Variants in MTHFS observed in about 807,000 individuals in gnomAD.
MTHFS encodes methenyltetrahydrofolate synthetase, also known as 5-formyltetrahydrofolate cyclo-ligase.
MTHFS carries 7 observed loss-of-function variants against 12.7 expected under a neutral mutation model. The ratio of observed to expected loss-of-function variants is 0.55; its 90% CI spans 0.31 to 1.03. The LOEUF is 1.03. Among genes scored for constraint, MTHFS ranks in the 50% least tolerant of loss-of-function variants. The pLI is 0.05. For missense variants in MTHFS, 252 were observed against 258.1 expected (o/e 0.98, Z 0.16); for synonymous variants, 100 against 97.1 (o/e 1.03, Z -0.18).
At chr15:79,892,488 A>T (rs1410812896) in intron 1 of MTHFS, among the ~76,000 whole-genome samples, 4 of 152,270 alleles carry the variant, frequency 2.6e-5, no homozygotes, top group African/African-American at 9.6e-5. Flanking sequence ...CCAAATGGGA[A>T]CAAAGTAAAA....
At chr15:79,874,157 A>C (rs536108828) in intron 2 of MTHFS, among the ~76,000 whole-genome samples, 36 of 152,354 alleles carry the variant, frequency 2.4e-4, no homozygotes, top group Admixed American at 5.2e-4. Context: ...GCAGAGTAGA[A>C]AACTAAAAAT....
intron 2 of MTHFS, among the ~76,000 whole-genome samples, chr15:79,869,962 A>C (rs975549956): frequency 7.9e-5 from 12 of 152,190 alleles, no homozygotes; most frequent in African/African-American, 2.9e-4. Flanking sequence ...AAACAGAGGA[A>C]AGAAGGGATT....
At chr15:79,880,412 CA>C (rs2034276713) in intron 2 of MTHFS, among the ~76,000 whole-genome samples, 1 of 151,852 alleles carries the variant, frequency 6.6e-6, no homozygotes, top group Admixed American at 6.6e-5. Context: ...ATAATCAATA[CA>C]ATCTGGTTTT....
chr15:79,864,668 G>A (rs1284776988), intron 2 of MTHFS, among the ~76,000 whole-genome samples: 2 of 147,884 alleles, frequency 1.4e-5, no homozygotes, highest in Non-Finnish European at 3.0e-5. Flanking sequence ...TAAGAAACTT[G>A]ACTCATAAGC....
rs141318529 is a variant in MTHFS, at chr15:79,845,414, G to A, written c.408C>T (p.Gly136=). The part of the protein sequence containing the change: ...TGGLDLIFMP[G]LGFDKHGNRL... The stretch of plus-strand genomic sequence containing the variant: ...GGTTGCCATGTTTGTCAAACCCAAG[G>A]CCTGGCATGAAGATGAGATCAAGTC... Residue 136 remains glycine (G), a synonymous_variant, in exon 3 of 3, where the codon GGC becomes GGT. Transcript: ENST00000258874. The A allele has an allele frequency of 3.7e-5, 60 of 1,614,016 alleles. No homozygotes were observed. The highest frequency in any genetic ancestry group is 5.1e-5 in the Non-Finnish European group (60 of 1,180,028).
At chr15:79,862,031 T>C (rs180794377) in intron 2 of MTHFS, among the ~76,000 whole-genome samples, 115 of 152,280 alleles carry the variant, frequency 7.6e-4, no homozygotes, top group African/African-American at 1.8e-3. Flanking sequence ...GGCATGTAAT[T>C]ACTTTTATGA....
intron 2 of MTHFS, among the ~76,000 whole-genome samples, chr15:79,861,623 G>C (rs1219517751): frequency 1.3e-5 from 2 of 152,172 alleles, no homozygotes; most frequent in Non-Finnish European, 2.9e-5. Context: ...TAACTATGCA[G>C]AAAAATATCT....
At chr15:79,864,547 C>CAAAAAAAAAAAAAAAAAAAAAAAAA (rs58698908) in intron 2 of MTHFS, among the ~76,000 whole-genome samples, 4 of 64,514 alleles carry the variant, frequency 6.2e-5, no homozygotes, top group Admixed American at 2.1e-4. Context: ...TCCATCTCAA[C>CAAAAAAAAAAAAAAAAAAAAAAAAA]AAAAAAAAAA....
At chr15:79,846,761 T>C (rs536207232) in intron 2 of MTHFS, among the ~76,000 whole-genome samples, 80 of 152,352 alleles carry the variant, frequency 5.3e-4, no homozygotes, top group African/African-American at 1.9e-3. Context: ...CCTCTTGGGA[T>C]TGACAGTGGA....
chr15:79,859,560 G>A (rs2033871972), intron 2 of MTHFS, among the ~76,000 whole-genome samples: 1 of 152,226 alleles, frequency 6.6e-6, no homozygotes, highest in South Asian at 2.1e-4. Flanking sequence ...GCTCATGCCT[G>A]TAACCCCAGC....
At position 79,844,470 on chromosome 15, in the gene MTHFS, T is replaced by C. The variant is rs1338124500; in HGVS notation, c.*740A>G. Among the ~76,000 whole-genome samples the C allele has an allele frequency of 6.6e-6, 1 of 152,050 alleles. No individual in the cohort carries two copies. ...GACCAAATCCTCCCCACAACAAAAT[T>C]ATTGCTCCCTAGCTGTGTTGCCATC... On this transcript the variant is annotated 3_prime_UTR_variant, in exon 3 of 3. Transcript: ENST00000258874.
chr15:79,888,972 G>T, intron 2 of MTHFS, 121 bp downstream of exon 2: 1 of 1,437,652 alleles, frequency 7.0e-7, no homozygotes, highest in Non-Finnish European at 9.2e-7. Flanking sequence ...TTGGAACGTA[G>T]GCAAAATACA....
chr15:79,856,483 C>A (rs1296869580), intron 2 of MTHFS, among the ~76,000 whole-genome samples: 1 of 151,874 alleles, frequency 6.6e-6, no homozygotes, highest in Non-Finnish European at 1.5e-5. Flanking sequence ...GTGATTCAAT[C>A]AAGAAATAAA....
At chr15:79,895,428 A>G (rs1269285786) in intron 1 of MTHFS, among the ~76,000 whole-genome samples, 11 of 152,164 alleles carry the variant, frequency 7.2e-5, no homozygotes, top group Non-Finnish European at 2.9e-5. Context: ...TTCTTTATTC[A>G]TGTCTGTTTC....
intron 2 of MTHFS, among the ~76,000 whole-genome samples, chr15:79,851,402 G>C (rs1274085665): frequency 6.6e-6 from 1 of 152,170 alleles, no homozygotes; most frequent in Non-Finnish European, 1.5e-5. Flanking sequence ...GATATAATGA[G>C]TAGTCCCCTT....
At chr15:79,849,378 T>G (rs925397521) in intron 2 of MTHFS, among the ~76,000 whole-genome samples, 1 of 152,144 alleles carries the variant, frequency 6.6e-6, no homozygotes, top group African/African-American at 2.4e-5. Context: ...CATCCCCACA[T>G]GCATCACCCA....
At chr15:79,853,856 G>T (rs2141344266) in intron 2 of MTHFS, among the ~76,000 whole-genome samples, 1 of 152,306 alleles carries the variant, frequency 6.6e-6, no homozygotes, top group African/African-American at 2.4e-5. Flanking sequence ...CTCCTTTGAG[G>T]TGTATCTGTT....
chr15:79,888,641 G>A (rs1451103624), intron 2 of MTHFS, among the ~76,000 whole-genome samples: 1 of 152,154 alleles, frequency 6.6e-6, no homozygotes, highest in Non-Finnish European at 1.5e-5. Context: ...CCACAGGTGG[G>A]GCATAAGAGA....
chr15:79,844,289 G>C lies in MTHFS; in HGVS notation c.*921C>G, dbSNP rs912520521. On this transcript the variant is annotated 3_prime_UTR_variant, in exon 3 of 3. Transcript: ENST00000258874. ...TGACACTCTCGCCTAGTCCAGCTTAGAAATGCTAAAAGGCTGGACAAAAGG... is the reference window on the plus strand; with the variant it reads ...TGACACTCTCGCCTAGTCCAGCTTACAAATGCTAAAAGGCTGGACAAAAGG... 2.6e-5 allele frequency: 4 copies of C among 152,240 alleles called. No homozygotes were observed. Among genetic ancestry groups the C allele is most frequent in the Non-Finnish European group, 5.9e-5 (4 of 68,050 alleles). The allele number at this position is 152,240 out of a possible 1,614,324, so 9.4% of individuals were successfully genotyped here. A position where few individuals can be genotyped will look rare whatever the true frequency, so the allele number is the denominator to read the frequency against.
Sources: gnomAD v4.1 joint callset for allele counts (sites outside exome capture counted in the v4.1 genomes callset) on GRCh38, gnomAD v4.1.1 for gene constraint, MANE v1.5 for transcripts, NCBI Gene and HGNC (gene_info 2026-07-23, HGNC 2026-07-21) for gene names.